The following YIPF7 variants were observed in gnomAD, a reference collection of about 807,000 sequenced individuals.
YIPF7 encodes protein YIPF7.
Under a neutral mutation model 27.2 loss-of-function variants are expected in YIPF7, and 35 were observed. That is an observed-to-expected ratio of 1.29 (90% confidence interval 0.98 to 1.70). YIPF7 has a LOEUF of 1.70. Ranked by LOEUF, YIPF7 falls within the 40% of genes most tolerant of loss-of-function variation. YIPF7 has a pLI of 0.00. For missense variants in YIPF7, 358 were observed against 303.7 expected, an observed-to-expected ratio of 1.18 and a Z score of -1.33; for synonymous variants, 137 against 110.4, an observed-to-expected ratio of 1.24 and a Z score of -1.51.
At position 44,623,177 on chromosome 4, in the gene YIPF7, C is replaced by T. The variant is rs370485365; in HGVS notation, c.609-601G>A. On this transcript the variant is annotated intron_variant, in intron 5 of 5. Coordinates refer to ENST00000415895, the MANE Select transcript of YIPF7 (RefSeq NM_182592.3). ...GAATGCTGAAATAGATTTGTTCAACCGGTGTCTTCAAAAAGTAACTGTGGA... is the reference window on the plus strand; with the variant it reads ...GAATGCTGAAATAGATTTGTTCAACTGGTGTCTTCAAAAAGTAACTGTGGA... Among the ~76,000 whole-genome samples the T allele has an allele frequency of 1.1e-3, 169 of 152,268 alleles. 2 individuals are homozygous for T. Among genetic ancestry groups the T allele is most frequent in the Admixed American group, 2.0e-3 (30 of 15,300 alleles).
chr4:44,628,244 GT>G (rs1263642055), intron 4 of YIPF7, among the ~76,000 whole-genome samples: 1 of 152,084 alleles, frequency 6.6e-6, no homozygotes, highest in African/African-American at 2.4e-5. Context: ...GAAATAAGAT[GT>G]TATCGCTAAA....
upstream of YIPF7, among the ~76,000 whole-genome samples, chr4:44,656,292 T>C (rs914395186): frequency 2.0e-5 from 3 of 152,026 alleles, no homozygotes; most frequent in African/African-American, 7.2e-5. Context: ...AGGAAGTCTT[T>C]CCCAGGAATT....
At position 44,624,793 on chromosome 4, in the gene YIPF7, G is replaced by T; in HGVS notation, c.427-11C>A. 6.3e-7 allele frequency: 1 copy of T among 1,597,584 alleles called. No homozygotes were observed. The highest frequency in any genetic ancestry group is 8.5e-7 in the Non-Finnish European group (1 of 1,173,238). The stretch of plus-strand genomic sequence containing the variant: ...CTGAACTTTTCCTGCCTGAAACGAC[G>T]TGAAGAAAAAACAGTTTGAACACAC... On this transcript the variant is annotated splice_polypyrimidine_tract_variant and intron_variant, in intron 4 of 5. Transcript: ENST00000415895.
At chr4:44,626,074 A>C (rs1712622884) in intron 4 of YIPF7, among the ~76,000 whole-genome samples, 1 of 152,170 alleles carries the variant, frequency 6.6e-6, no homozygotes, top group African/African-American at 2.4e-5. Flanking sequence ...AGCTATTTTA[A>C]TGTTCAAAAT....
At position 44,622,102 on chromosome 4, in the gene YIPF7, A is replaced by G. The variant is rs887423306; in HGVS notation, c.*312T>C. The G allele has an allele frequency of 9.8e-5, 25 of 254,828 alleles. No individual in the cohort carries two copies. Among genetic ancestry groups the G allele is most frequent in the Non-Finnish European group, 1.7e-4 (23 of 132,778 alleles). The allele number at this position is 254,828 out of a possible 1,614,324, so 15.8% of individuals were successfully genotyped here. A position where few individuals can be genotyped will look rare whatever the true frequency, so the allele number is the denominator to read the frequency against. ...CTTACTAGAGATTTCCTTTTAGTAA[A>G]CATATGAGTTTATTTACTTACTTTT... On this transcript the variant is annotated 3_prime_UTR_variant, in exon 6 of 6. Transcript: ENST00000415895.
chr4:44,646,658 C>A (rs114650133), intron 2 of YIPF7, among the ~76,000 whole-genome samples: 2,065 of 152,246 alleles, frequency 0.014, 23 homozygotes, highest in Middle Eastern at 0.031. Context: ...TCCTACTGTT[C>A]ATTCTAAAAT....
At chr4:44,627,088 C>A (rs1032938093) in intron 4 of YIPF7, among the ~76,000 whole-genome samples, 6 of 152,144 alleles carry the variant, frequency 3.9e-5, no homozygotes, top group African/African-American at 1.4e-4. Flanking sequence ...GGCCCCACAT[C>A]TTGATTTAAA....
chr4:44,624,678 G>A lies in YIPF7; in HGVS notation c.531C>T (p.Gly177=), dbSNP rs759911925. 2.5e-6 allele frequency: 4 copies of A among 1,607,932 alleles called. No homozygotes were observed. In the African/African-American group the frequency reaches 5.3e-5, roughly 21 times the overall value. The part of the protein sequence containing the change: ...NLMSSSGVSY[G]CVASVLGYCL... ...AGTAACCCAGCACGCTGGCCACACAGCCGTACGACACCCCTGAAGAGCTCA... is the reference window on the plus strand; with the variant it reads ...AGTAACCCAGCACGCTGGCCACACAACCGTACGACACCCCTGAAGAGCTCA... The change falls in exon 5 of 6, where the codon GGC becomes GGT. Residue 177 remains glycine (G), a synonymous_variant. Transcript: ENST00000415895.
upstream of YIPF7, among the ~76,000 whole-genome samples, chr4:44,653,333 A>G (rs1713792909): frequency 6.6e-6 from 1 of 152,096 alleles, no homozygotes; most frequent in Admixed American, 6.6e-5. Context: ...AAATGTGATG[A>G]TTCCGTATTA....
chr4:44,659,247 C>A lies in YIPF7; in HGVS notation c.-2+1202G>T, dbSNP rs577879736. 2.5e-3 allele frequency among the ~76,000 whole-genome samples: 380 copies of A among 152,136 alleles called. 1 individual carries two copies. Among genetic ancestry groups the A allele is most frequent in the Non-Finnish European group, 4.0e-3 (269 of 68,014 alleles). On this transcript the variant is annotated intron_variant, in intron 2 of 2. Coordinates refer to the YIPF7 transcript ENST00000508947. Reference sequence around the variant, plus strand: ...ATTATATTTTTTAACTTAAGCTTGCCCTTACAATATGCACACATGGCTTCA... The same window carrying A: ...ATTATATTTTTTAACTTAAGCTTGCACTTACAATATGCACACATGGCTTCA...
intron 2 of YIPF7, among the ~76,000 whole-genome samples, chr4:44,643,670 C>G (rs1431052159): frequency 6.6e-6 from 1 of 152,184 alleles, no homozygotes; most frequent in East Asian, 1.9e-4. Flanking sequence ...CCCAGGACCC[C>G]TCTTCCCTTC....
chr4:44,647,883 G>GGT (rs963799984), intron 2 of YIPF7, among the ~76,000 whole-genome samples: 6 of 150,840 alleles, frequency 4.0e-5, no homozygotes, highest in Admixed American at 1.3e-4. Context: ...GAGCTTTTAA[G>GGT]GTGTGTGTGT....
intron 2 of YIPF7, among the ~76,000 whole-genome samples, chr4:44,641,693 C>T (rs943250112): frequency 2.5e-4 from 38 of 152,042 alleles, no homozygotes; most frequent in African/African-American, 8.5e-4. Flanking sequence ...GTAAGCCTGA[C>T]CAAGAGAATA....
At chr4:44,637,984 C>T (rs753187293) in intron 2 of YIPF7, among the ~76,000 whole-genome samples, 3 of 152,038 alleles carry the variant, frequency 2.0e-5, no homozygotes, top group Admixed American at 1.3e-4. Context: ...CCACAAGGAA[C>T]TCAAACAAAT....
intron 1 of YIPF7, among the ~76,000 whole-genome samples, chr4:44,650,504 C>CGG: frequency 1.2e-5 from 1 of 84,002 alleles, no homozygotes; most frequent in East Asian, 2.8e-4. Flanking sequence ...TGCGCGCGCG[C>CGG]GCGCACACAC....
intron 5 of YIPF7, among the ~76,000 whole-genome samples, chr4:44,623,273 G>A (rs1712505701): frequency 6.6e-6 from 1 of 152,222 alleles, no homozygotes; most frequent in South Asian, 2.1e-4. Context: ...GTGGTCGAGA[G>A]TGAATTTCCT....
At chr4:44,659,745 C>T (rs190320337) in intron 2 of YIPF7, among the ~76,000 whole-genome samples, 4 of 152,126 alleles carry the variant, frequency 2.6e-5, no homozygotes, top group Admixed American at 6.5e-5. Flanking sequence ...CACTATAAAA[C>T]GTCTATATTC....
upstream of YIPF7, among the ~76,000 whole-genome samples, chr4:44,654,156 C>T (rs1713821799): frequency 6.6e-6 from 1 of 151,984 alleles, no homozygotes; most frequent in African/African-American, 2.4e-5. Context: ...TAGAGCTATT[C>T]TTATGGCTAT....
chr4:44,631,053 ACAAT>A (rs1712877381), intron 3 of YIPF7, among the ~76,000 whole-genome samples: 1 of 152,210 alleles, frequency 6.6e-6, no homozygotes. Context: ...TTATAAATAC[ACAAT>A]CAATCAGTTA....
Sources: allele counts gnomAD v4.1 joint callset (sites outside exome capture counted in the v4.1 genomes callset), GRCh38; gene constraint gnomAD v4.1.1; transcripts MANE v1.5; gene names NCBI Gene and HGNC (gene_info 2026-07-23, HGNC 2026-07-21).